Variants in NCOA2 observed in about 807,000 individuals in gnomAD.
The protein encoded by NCOA2 is nuclear receptor coactivator 2.
In NCOA2, 21 loss-of-function variants were observed where a neutral mutation model predicts 145.1. The observed-to-expected ratio is 0.14, with a 90% CI of 0.10 to 0.21. The LOEUF is 0.21. Ranked by LOEUF, NCOA2 falls within the 10% of genes least tolerant of loss-of-function variation. NCOA2 has a pLI of 1.00. For synonymous variants in NCOA2, 619 were observed against 637.5 expected, an observed-to-expected ratio of 0.97 and a Z score of 0.44; for missense variants, 1,472 against 1,837.6, an observed-to-expected ratio of 0.80 and a Z score of 3.64.
At chr8:70,205,789 T>C (rs766510146) in intron 4 of NCOA2, among the ~76,000 whole-genome samples, 13 of 152,160 alleles carry the variant, frequency 8.5e-5, no homozygotes, top group Non-Finnish European at 1.6e-4. Flanking sequence ...GTGAGGGTTC[T>C]TCTTTTGGAC....
chr8:70,143,466 T>C (rs1233185720), intron 13 of NCOA2, among the ~76,000 whole-genome samples: 1 of 152,150 alleles, frequency 6.6e-6, no homozygotes, highest in Non-Finnish European at 1.5e-5. Context: ...AATATTTTAT[T>C]TATCTTAAAT....
intron 14 of NCOA2, among the ~76,000 whole-genome samples, chr8:70,140,118 C>A (rs183206420): frequency 6.6e-6 from 1 of 152,254 alleles, no homozygotes; most frequent in African/African-American, 2.4e-5. Flanking sequence ...AGATAATTCA[C>A]ATAACATACA....
At chr8:70,140,308 C>T (rs1245666981) in intron 14 of NCOA2, among the ~76,000 whole-genome samples, 2 of 152,210 alleles carry the variant, frequency 1.3e-5, no homozygotes, top group Non-Finnish European at 2.9e-5. Flanking sequence ...GTAACCACTA[C>T]TTTACTTTCT....
chr8:70,380,413 T>C (rs1426558677), intron 1 of NCOA2, among the ~76,000 whole-genome samples: 2 of 152,058 alleles, frequency 1.3e-5, no homozygotes, highest in Non-Finnish European at 1.5e-5. Context: ...ACACACATAC[T>C]TTAAATCCCA....
At chr8:70,159,242 A>ATATATATTTTT in intron 10 of NCOA2, among the ~76,000 whole-genome samples, 14 of 61,078 alleles carry the variant, frequency 2.3e-4, no homozygotes, top group East Asian at 5.8e-4. Flanking sequence ...ATATATATAT[A>ATATATATTTTT]TTTTTTTTTT....
At chr8:70,145,064 C>T (rs966897895) in intron 12 of NCOA2, among the ~76,000 whole-genome samples, 2 of 152,212 alleles carry the variant, frequency 1.3e-5, no homozygotes, top group African/African-American at 2.4e-5. Flanking sequence ...TCTTGACGAT[C>T]TTGCAAAACA....
the NCOA2 span, among the ~76,000 whole-genome samples, chr8:70,416,187 G>GTTTTTTTTTTTTTTTTTT: frequency 7.3e-6 from 1 of 136,754 alleles, no homozygotes; most frequent in African/African-American, 3.0e-5. Flanking sequence ...GGGGACCTCA[G>GTTTTTTTTTTTTTTTTTT]TTTTTTTGTT....
At chr8:70,449,524 G>A in the NCOA2 span, among the ~76,000 whole-genome samples, 1 of 152,238 alleles carries the variant, frequency 6.6e-6, no homozygotes, top group Non-Finnish European at 1.5e-5. Context: ...AGCGAGCAAA[G>A]GAACACGACC....
the NCOA2 span, among the ~76,000 whole-genome samples, chr8:70,437,626 A>T: frequency 6.6e-6 from 1 of 152,220 alleles, no homozygotes; most frequent in South Asian, 2.1e-4. Context: ...GCATAAGACA[A>T]TACATTCATG....
chr8:70,138,182 C>A (rs767270665), intron 15 of NCOA2, 21 bp downstream of exon 15: 30 of 1,599,590 alleles, frequency 1.9e-5, no homozygotes, highest in Non-Finnish European at 2.6e-5. Context: ...TAACTGGCTA[C>A]CCTAGGTGCT....
intron 1 of NCOA2, among the ~76,000 whole-genome samples, chr8:70,306,171 T>C (rs1732862498): frequency 1.3e-5 from 2 of 152,136 alleles, no homozygotes; most frequent in Admixed American, 6.6e-5. Context: ...GGGAAAAAAT[T>C]GAGATCTAGA....
At chr8:70,364,752 A>C (rs1810526033) in intron 1 of NCOA2, among the ~76,000 whole-genome samples, 1 of 151,974 alleles carries the variant, frequency 6.6e-6, no homozygotes, top group Non-Finnish European at 1.5e-5. Flanking sequence ...AAAAAAAAAA[A>C]AAAAAACTAG....
chr8:70,142,257 A>C (rs1810523916), intron 13 of NCOA2, among the ~76,000 whole-genome samples: 1 of 152,240 alleles, frequency 6.6e-6, no homozygotes, highest in African/African-American at 2.4e-5. Flanking sequence ...CTGCTTTCAA[A>C]TATATGGCTG....
At chr8:70,121,440 G>A (rs1807801401) in intron 21 of NCOA2, 49 bp from the exon 22 acceptor site, 2 of 1,455,614 alleles carry the variant, frequency 1.4e-6, no homozygotes, top group Non-Finnish European at 9.5e-7. Flanking sequence ...GAATGTCCAA[G>A]AGTGCACTGG....
intron 18 of NCOA2, 34 bp from the exon 19 acceptor site, chr8:70,127,081 C>T (rs76828149): frequency 0.015 from 22,300 of 1,462,422 alleles, 222 homozygotes; most frequent in Non-Finnish European, 0.017. Context: ...AGGAAAATGT[C>T]GGGGACAGAC....
At chr8:70,221,967 C>CT (rs201929161) in intron 2 of NCOA2, among the ~76,000 whole-genome samples, 1 of 152,072 alleles carries the variant, frequency 6.6e-6, no homozygotes, top group African/African-American at 2.4e-5. Context: ...TGTCATTACT[C>CT]TTTTTTACTA....
chr8:70,270,069 C>A (rs1488181170), intron 2 of NCOA2, among the ~76,000 whole-genome samples: 3 of 152,034 alleles, frequency 2.0e-5, no homozygotes, highest in Admixed American at 6.6e-5. Flanking sequence ...GTAGTCCCAG[C>A]TACTGGGGAG....
chr8:70,372,655 GATGTGTATAAATGTGT>G (rs1811324822), intron 1 of NCOA2, among the ~76,000 whole-genome samples: 1 of 152,136 alleles, frequency 6.6e-6, no homozygotes, highest in Non-Finnish European at 1.5e-5. Context: ...GAAATATACT[GATGTGTATAAATGTGT>G]AAGTCTGGTA....
chr8:70,215,512 T>C (rs1280591667), intron 3 of NCOA2, among the ~76,000 whole-genome samples: 1 of 152,152 alleles, frequency 6.6e-6, no homozygotes, highest in Non-Finnish European at 1.5e-5. Flanking sequence ...TGGAGATTTA[T>C]TGGGCTTGAT....
Sources: gnomAD v4.1 joint callset for allele counts (sites outside exome capture counted in the v4.1 genomes callset) on GRCh38, gnomAD v4.1.1 for gene constraint, MANE v1.5 for transcripts, NCBI Gene and HGNC (gene_info 2026-07-23, HGNC 2026-07-21) for gene names.